KIF16B: variants seen among roughly 807,000 people sequenced by gnomAD.
The protein encoded by KIF16B is kinesin-like protein KIF16B.
A neutral mutation model predicts 156.3 loss-of-function variants in KIF16B; 98 were observed. The observed-to-expected ratio is 0.63, with a 90% CI of 0.53 to 0.74. KIF16B has a LOEUF of 0.74. KIF16B is among the 30% of genes least tolerant of loss of function. The probability of loss-of-function intolerance (pLI) is 0.00; values close to 1 mark genes in which losing one functional copy is unlikely to be tolerated. For missense variants in KIF16B, 1,421 were observed against 1,606.5 expected, an observed-to-expected ratio of 0.88 and a Z score of 1.97; for synonymous variants, 564 against 583.7, an observed-to-expected ratio of 0.97 and a Z score of 0.49.
chr20:16,463,037 A>C (rs993244867), intron 12 of KIF16B, among the ~76,000 whole-genome samples: 45 of 152,302 alleles, frequency 3.0e-4, no homozygotes, highest in Non-Finnish European at 6.0e-4. Flanking sequence ...TTCGTGCACT[A>C]TGCAAATGGC....
intron 17 of KIF16B, among the ~76,000 whole-genome samples, chr20:16,400,448 T>C (rs960898914): frequency 1.3e-5 from 2 of 152,182 alleles, no homozygotes; most frequent in African/African-American, 4.8e-5. Context: ...GAAAATAGCA[T>C]AGCAGTTCCT....
intron 24 of KIF16B, among the ~76,000 whole-genome samples, chr20:16,333,144 T>C (rs1326885013): frequency 6.6e-6 from 1 of 152,180 alleles, no homozygotes; most frequent in African/African-American, 2.4e-5. Context: ...CCAGGCCTTT[T>C]TGTTCTTGGA....
intron 12 of KIF16B, among the ~76,000 whole-genome samples, chr20:16,432,448 A>G (rs1478359997): frequency 1.3e-5 from 2 of 152,290 alleles, no homozygotes; most frequent in South Asian, 2.1e-4. Context: ...AGCCCTAAAC[A>G]TAAATACGAT....
At chr20:16,355,252 C>G (rs900036197) in intron 23 of KIF16B, among the ~76,000 whole-genome samples, 3 of 152,292 alleles carry the variant, frequency 2.0e-5, no homozygotes, top group Non-Finnish European at 2.9e-5. Context: ...CCTCCCCACT[C>G]TGTGTGTGCC....
chr20:16,397,618 A>G (rs1343856448), intron 17 of KIF16B, among the ~76,000 whole-genome samples: 1 of 152,228 alleles, frequency 6.6e-6, no homozygotes, highest in African/African-American at 2.4e-5. Context: ...TTTGCAAACC[A>G]GTCATTCTTT....
At chr20:16,500,627 G>C (rs2068594307) in intron 10 of KIF16B, among the ~76,000 whole-genome samples, 2 of 151,978 alleles carry the variant, frequency 1.3e-5, no homozygotes, top group Admixed American at 6.6e-5. Flanking sequence ...TTAATTGTTA[G>C]TTGCACCCTT....
intron 25 of KIF16B, among the ~76,000 whole-genome samples, chr20:16,283,346 C>T (rs1401583325): frequency 2.0e-5 from 3 of 152,178 alleles, no homozygotes; most frequent in African/African-American, 4.8e-5. Flanking sequence ...TAGTGTGCCT[C>T]CCTCTTTGCA....
chr20:16,406,544 G>T, intron 15 of KIF16B, 88 bp from the exon 16 acceptor site: 1 of 1,069,016 alleles, frequency 9.4e-7, no homozygotes, highest in Non-Finnish European at 1.4e-6. Flanking sequence ...CTGTTGAAAT[G>T]TAATTTCCAG....
chr20:16,432,829 C>A (rs567182841), intron 12 of KIF16B, among the ~76,000 whole-genome samples: 1 of 152,112 alleles, frequency 6.6e-6, no homozygotes. Flanking sequence ...TAAATAGATA[C>A]GCAGAGAAAA....
In KIF16B at chr20:16,528,328, C is replaced by A. The variant is rs1307171115; in HGVS notation, c.117+43G>T. ...TTAGTCATCCCCACAGTAAAGCAAT[C>A]ATGGGGCTCTTGGAACTTAAGCAAG... On this transcript the variant is annotated intron_variant, in intron 2 of 25. Transcript: ENST00000354981. The A allele has an allele frequency of 4.1e-6, 6 of 1,463,202 alleles. No homozygotes were observed. In the African/African-American group the frequency reaches 8.3e-5, roughly 20 times the overall value. The allele number at this position is 1,463,202 out of a possible 1,614,324, so 90.6% of individuals were successfully genotyped here.
rs376996895 is a variant in KIF16B, at chr20:16,567,626, A to G, written c.47+5603T>C. ...TCCCCTGGCTTTTATAGGTCAGTCA[A>G]TTGGTGAGAGGAGGAAATGCAATTG... On this transcript the variant is annotated intron_variant, in intron 1 of 25. Coordinates refer to ENST00000354981, the MANE Select transcript of KIF16B (RefSeq NM_024704.5). Among the ~76,000 whole-genome samples the G allele has an allele frequency of 1.1e-4, 16 of 152,252 alleles. No individual in the cohort carries two copies. The South Asian group carries it at 2.1e-3, about 20-fold the overall frequency.
intron 18 of KIF16B, among the ~76,000 whole-genome samples, chr20:16,380,596 T>A (rs2065071043): frequency 6.6e-6 from 1 of 151,760 alleles, no homozygotes; most frequent in Non-Finnish European, 1.5e-5. Context: ...CTCATTGGGG[T>A]CAAATATCAA....
chr20:16,485,065 G>A (rs1345797807), intron 12 of KIF16B, among the ~76,000 whole-genome samples: 1 of 152,152 alleles, frequency 6.6e-6, no homozygotes, highest in Admixed American at 6.5e-5. Flanking sequence ...GCAACTGAAA[G>A]CCTGAAAAAT....
chr20:16,379,414 C>T lies in KIF16B; in HGVS notation c.2588G>A (p.Cys863Tyr). 1.2e-6 allele frequency: 2 copies of T among 1,609,546 alleles called. No homozygotes were observed. The highest frequency in any genetic ancestry group is 1.7e-6 in the Non-Finnish European group (2 of 1,178,312). ...EVQEEQEILE[C>Y]LKCEHDKESR... ...TTCTTTGTCATGTTCACATTTTAAACACTCTAGGATCTCCTGTTCTTCTTG... is the reference window on the plus strand; with the variant it reads ...TTCTTTGTCATGTTCACATTTTAAATACTCTAGGATCTCCTGTTCTTCTTG... Residue 863 changes from cysteine (C) to tyrosine (Y), a missense_variant, in exon 19 of 26, where the codon TGT (cysteine) becomes TAT (tyrosine). Coordinates refer to ENST00000354981, the MANE Select transcript of KIF16B (RefSeq NM_024704.5).
In KIF16B at chr20:16,283,200, AAG is replaced by A. The variant is rs199802781; in HGVS notation, c.3796-9791_3796-9790del. 9.4e-3 allele frequency among the ~76,000 whole-genome samples: 1,393 copies of A among 148,894 alleles called. 10 individuals carry two copies. The highest frequency in any genetic ancestry group is 0.013 in the Non-Finnish European group (871 of 65,394). On this transcript the variant is annotated intron_variant, in intron 25 of 25. Transcript: ENST00000354981. ...GATATTATGTAGGTGTTTATGTAATAAGAGAGAAAATTCCGGCTCCACCCCAT... is the reference window on the plus strand; with the variant it reads ...GATATTATGTAGGTGTTTATGTAATAAGAGAAAATTCCGGCTCCACCCCAT...
At chr20:16,309,244 G>A (rs909159529) in intron 25 of KIF16B, among the ~76,000 whole-genome samples, 1 of 152,180 alleles carries the variant, frequency 6.6e-6, no homozygotes, top group African/African-American at 2.4e-5. Context: ...AGGTATCAGT[G>A]GAGCAGATAG....
chr20:16,367,781 C>CGCA (rs1568893003), intron 22 of KIF16B: 3 of 1,612,486 alleles, frequency 1.9e-6, no homozygotes, highest in Non-Finnish European at 2.5e-6. Context: ...GCGCAGGCAG[C>CGCA]GGCATCAGGC....
chr20:16,343,499 G>T (rs1313911614), intron 23 of KIF16B, among the ~76,000 whole-genome samples: 1 of 152,146 alleles, frequency 6.6e-6, no homozygotes, highest in Non-Finnish European at 1.5e-5. Context: ...ATATGCGGGA[G>T]CTACCTCAAG....
chr20:16,527,267 G>C (rs542674189), intron 2 of KIF16B, among the ~76,000 whole-genome samples: 1 of 152,342 alleles, frequency 6.6e-6, no homozygotes, highest in East Asian at 1.9e-4. Flanking sequence ...GAATGCCTCA[G>C]GCAAAGGACA....
Sources: allele counts gnomAD v4.1 joint callset (sites outside exome capture counted in the v4.1 genomes callset), GRCh38; gene constraint gnomAD v4.1.1; transcripts MANE v1.5; gene names NCBI Gene and HGNC (gene_info 2026-07-23, HGNC 2026-07-21).